The following HACE1 variants were observed in gnomAD, a reference collection of about 807,000 sequenced individuals.
The protein encoded by HACE1 is HECT domain and ankyrin repeat containing E3 ubiquitin protein ligase 1.
Under a neutral mutation model 118.4 loss-of-function variants are expected in HACE1, and 73 were observed. The observed-to-expected ratio is 0.62, with a 90% CI of 0.51 to 0.75. HACE1 has a LOEUF of 0.75. HACE1 is among the 30% of genes least tolerant of loss of function. The probability of loss-of-function intolerance (pLI) is 0.00; values close to 1 mark genes in which losing one functional copy is unlikely to be tolerated. For synonymous variants in HACE1, 368 were observed against 374.8 expected (o/e 0.98, Z 0.21); for missense variants, 749 against 1,102.2 (o/e 0.68, Z 4.54).
At chr6:104,789,590 T>A (rs1582478440) in intron 11 of HACE1, among the ~76,000 whole-genome samples, 2 of 152,234 alleles carry the variant, frequency 1.3e-5, no homozygotes, top group East Asian at 3.9e-4. Flanking sequence ...AAAACTAACA[T>A]TTAAATCAAT....
rs369711059 is a variant in HACE1 at position 104,795,670 on chromosome 6, C to G, written c.832G>C (p.Glu278Gln). ...CTTTCACTTTGCTGAGACAAATGCT[C>G]CAGAACTTGCCGTAACTAAATTTTT... ...LRENMLRQVLEHLSQQSESQY... is the reference protein window; with the variant it reads ...LRENMLRQVLQHLSQQSESQY... The change falls in exon 10 of 24, where the codon GAG becomes CAG. Residue 278 changes from glutamate to glutamine, a missense_variant. This residue lies in a region of HACE1 where 267 missense variants were observed against 312.2 expected (regional missense o/e 0.86). Coordinates refer to ENST00000262903, the MANE Select transcript of HACE1 (RefSeq NM_020771.4). 1.2e-6 allele frequency: 2 copies of G among 1,608,516 alleles called. No individual in the cohort carries two copies. The highest frequency in any genetic ancestry group is 2.7e-5 in the African/African-American group (2 of 74,782).
intron 7 of HACE1, among the ~76,000 whole-genome samples, chr6:104,804,799 T>A (rs1346208512): frequency 6.6e-6 from 1 of 152,092 alleles, no homozygotes; most frequent in South Asian, 2.1e-4. Flanking sequence ...TAGGCATGTG[T>A]AAAGACTTCA....
At chr6:104,776,023 A>G (rs541413041) in intron 17 of HACE1, among the ~76,000 whole-genome samples, 10 of 152,358 alleles carry the variant, frequency 6.6e-5, no homozygotes, top group African/African-American at 2.2e-4. Flanking sequence ...GAGCTCTCAA[A>G]TATGCCTCAC....
intron 22 of HACE1, among the ~76,000 whole-genome samples, chr6:104,735,814 C>T (rs563294249): frequency 2.0e-5 from 3 of 152,074 alleles, no homozygotes; most frequent in South Asian, 2.1e-4. Flanking sequence ...GACTGTCCCA[C>T]AAGGATAGAA....
chr6:104,764,091 G>T (rs1779706275), intron 19 of HACE1, among the ~76,000 whole-genome samples: 1 of 151,718 alleles, frequency 6.6e-6, no homozygotes, highest in Admixed American at 6.6e-5. Context: ...TTTATTTTTT[G>T]TGAGACAGAG....
At chr6:104,845,476 CTTTT>C (rs35701834) in intron 4 of HACE1, among the ~76,000 whole-genome samples, 4 of 134,106 alleles carry the variant, frequency 3.0e-5, no homozygotes, top group African/African-American at 2.8e-5. Context: ...TCTGGGTAAA[CTTTT>C]TTTTTTTTTT....
chr6:104,756,564 C>A (rs992987062), intron 19 of HACE1, among the ~76,000 whole-genome samples: 2 of 151,792 alleles, frequency 1.3e-5, no homozygotes, highest in Non-Finnish European at 1.5e-5. Context: ...AAATAGTGAT[C>A]GAAGAGTCGT....
intron 5 of HACE1, among the ~76,000 whole-genome samples, chr6:104,841,743 A>G (rs1307629925): frequency 1.3e-5 from 2 of 152,202 alleles, no homozygotes; most frequent in Non-Finnish European, 2.9e-5. Context: ...CAAAATATAA[A>G]TACTATCAAA....
intron 19 of HACE1, among the ~76,000 whole-genome samples, chr6:104,752,739 T>G (rs1218418598): frequency 6.6e-6 from 1 of 152,132 alleles, no homozygotes; most frequent in Non-Finnish European, 1.5e-5. Context: ...TACATTTTAT[T>G]TTTTAATTAA....
chr6:104,778,127 A>T (rs1213588351), intron 14 of HACE1, among the ~76,000 whole-genome samples: 1 of 152,148 alleles, frequency 6.6e-6, no homozygotes, highest in Non-Finnish European at 1.5e-5. Context: ...GTAATTTGTT[A>T]TCCCTTCCCA....
At chr6:104,766,018 C>A (rs906682781) in intron 19 of HACE1, among the ~76,000 whole-genome samples, 24 of 152,202 alleles carry the variant, frequency 1.6e-4, no homozygotes, top group Non-Finnish European at 2.6e-4. Flanking sequence ...TTTTCCCTGT[C>A]ACTGTTACCC....
intron 4 of HACE1, among the ~76,000 whole-genome samples, chr6:104,846,377 C>T (rs1775672949): frequency 6.6e-6 from 1 of 152,160 alleles, no homozygotes; most frequent in Admixed American, 6.5e-5. Context: ...ATTTTAAAGC[C>T]TCTCCTTTTA....
intron 22 of HACE1, among the ~76,000 whole-genome samples, chr6:104,739,038 T>G (rs1378907882): frequency 2.7e-5 from 4 of 149,908 alleles, no homozygotes; most frequent in Non-Finnish European, 5.9e-5. Context: ...AAAAGAATTT[T>G]CAACCCAGAA....
At chr6:104,770,547 C>T (rs1249684774) in intron 19 of HACE1, among the ~76,000 whole-genome samples, 3 of 151,882 alleles carry the variant, frequency 2.0e-5, no homozygotes, top group Admixed American at 6.6e-5. Context: ...GGTGAAACCC[C>T]GTCTCTACTA....
chr6:104,753,512 C>G (rs1562293260), intron 19 of HACE1, among the ~76,000 whole-genome samples: 2 of 152,258 alleles, frequency 1.3e-5, no homozygotes, highest in African/African-American at 4.8e-5. Context: ...AAGTACCTAC[C>G]CCCTGGGACA....
In HACE1 at chr6:104,784,560, T is replaced by G; in HGVS notation, c.1410-75A>C. ...TAATATAGCGAACTTGATAAATATA[T>G]ACTGAACTGGACTGGCTTCTAAACC... On this transcript the variant is annotated intron_variant, in intron 12 of 23. Coordinates refer to ENST00000262903, the MANE Select transcript of HACE1 (RefSeq NM_020771.4). 7 of 1,000,328 alleles carry G rather than the reference T, an allele frequency of 7.0e-6. No individual in the cohort carries two copies. In the South Asian group the frequency reaches 9.2e-5, roughly 13 times the overall value. The allele number at this position is 1,000,328 out of a possible 1,614,324, so 62.0% of individuals were successfully genotyped here. A position where few individuals can be genotyped will look rare whatever the true frequency, so the allele number is the denominator to read the frequency against.
chr6:104,818,259 GAGA>G (rs993713076), intron 6 of HACE1, among the ~76,000 whole-genome samples: 3 of 152,086 alleles, frequency 2.0e-5, no homozygotes, highest in Non-Finnish European at 2.9e-5. Context: ...TATTTTATAA[GAGA>G]AGGACTACGT....
At position 104,784,128 on chromosome 6, in the gene HACE1, A is replaced by T. The variant is rs1056347042; in HGVS notation, c.1524T>A (p.Cys508Ter). Residue 508 changes from cysteine to a stop codon, truncating the protein, a stop_gained, in exon 14 of 24, where the codon TGT becomes TGA. Transcript: ENST00000262903. LOFTEE classifies it high-confidence loss of function. ...IFDHFHFLLE[C>*]PELMSRFMHI... ...GCATGAATCTTGACATCAACTCAGG[A>T]CATTCAAGGAGAAAGTGAAAGTGGT... 6.2e-7 allele frequency: 1 copy of T among 1,602,892 alleles called. No homozygotes were observed. The highest frequency in any genetic ancestry group is 8.5e-7 in the Non-Finnish European group (1 of 1,170,024).
At chr6:104,793,220 T>C (rs993116804) in intron 10 of HACE1, among the ~76,000 whole-genome samples, 5 of 142,478 alleles carry the variant, frequency 3.5e-5, no homozygotes, top group African/African-American at 1.3e-4. Context: ...TAAGCCGAGA[T>C]CGCGCCACTG....
Sources: allele counts gnomAD v4.1 joint callset (sites outside exome capture counted in the v4.1 genomes callset), GRCh38; gene constraint gnomAD v4.1.1; regional missense constraint gnomAD v4.1.1; transcripts MANE v1.5; gene names NCBI Gene and HGNC (gene_info 2026-07-23, HGNC 2026-07-21).